Variants in PPP3CA observed in about 807,000 individuals in gnomAD.
The protein encoded by PPP3CA is CAM-PRP catalytic subunit.
In PPP3CA, 14 loss-of-function variants were observed where a neutral mutation model predicts 66.5. The ratio of observed to expected loss-of-function variants is 0.21; its 90% CI spans 0.14 to 0.33. The LOEUF is 0.33. Ranked by LOEUF, PPP3CA falls within the 10% of genes least tolerant of loss-of-function variation. The pLI, the probability that PPP3CA is intolerant of heterozygous loss-of-function variation, is 1.00. For missense variants in PPP3CA, 317 were observed against 639.5 expected (o/e 0.50, Z 5.44); for synonymous variants, 232 against 226.2 (o/e 1.03, Z -0.23).
intron 1 of PPP3CA, among the ~76,000 whole-genome samples, chr4:101,296,504 G>T (rs181083679): frequency 1.3e-5 from 2 of 152,174 alleles, no homozygotes; most frequent in Admixed American, 6.5e-5. Flanking sequence ...TCCATATTTT[G>T]ATAAACCAGT....
intron 2 of PPP3CA, among the ~76,000 whole-genome samples, chr4:101,128,145 G>A (rs1722306109): frequency 6.6e-6 from 1 of 152,154 alleles, no homozygotes; most frequent in South Asian, 2.1e-4. Context: ...TATGTGCCCT[G>A]AGAGCTAACA....
At chr4:101,093,113 C>T (rs1270702523) in intron 6 of PPP3CA, among the ~76,000 whole-genome samples, 1 of 152,212 alleles carries the variant, frequency 6.6e-6, no homozygotes, top group Non-Finnish European at 1.5e-5. Flanking sequence ...TCCTCTCCAG[C>T]ATCCATTTCC....
intron 10 of PPP3CA, among the ~76,000 whole-genome samples, chr4:101,054,120 G>GT (rs572027760): frequency 1.3e-5 from 2 of 151,310 alleles, no homozygotes; most frequent in Admixed American, 6.6e-5. Context: ...ATCTAAATGG[G>GT]TTTTTTTTCT....
intron 2 of PPP3CA, among the ~76,000 whole-genome samples, chr4:101,194,739 G>A (rs1315514867): frequency 2.0e-5 from 3 of 151,982 alleles, no homozygotes; most frequent in Non-Finnish European, 4.4e-5. Flanking sequence ...GCTAATTTTT[G>A]TATTTTTAGT....
intron 1 of PPP3CA, among the ~76,000 whole-genome samples, chr4:101,211,165 G>A (rs1725286665): frequency 6.6e-6 from 1 of 152,032 alleles, no homozygotes; most frequent in Non-Finnish European, 1.5e-5. Context: ...ATAAGCAGGG[G>A]AAGCCAGGGC....
At chr4:101,297,979 G>C (rs959150348) in intron 1 of PPP3CA, among the ~76,000 whole-genome samples, 5 of 152,068 alleles carry the variant, frequency 3.3e-5, no homozygotes, top group African/African-American at 1.2e-4. Context: ...CCAGGAATCA[G>C]GGAATCAGAT....
chr4:101,129,336 G>A (rs990077212), intron 2 of PPP3CA, among the ~76,000 whole-genome samples: 6 of 152,168 alleles, frequency 3.9e-5, no homozygotes, highest in African/African-American at 1.2e-4. Flanking sequence ...AGACTTAAAC[G>A]TTCCTGTCTG....
chr4:101,192,150 TTTTCAA>T (rs1724627419), intron 2 of PPP3CA, among the ~76,000 whole-genome samples: 1 of 152,158 alleles, frequency 6.6e-6, no homozygotes, highest in Non-Finnish European at 1.5e-5. Context: ...CATCTTACTG[TTTTCAA>T]GAAGACTTTA....
At chr4:101,112,206 T>C (rs558530812) in intron 2 of PPP3CA, among the ~76,000 whole-genome samples, 5 of 152,266 alleles carry the variant, frequency 3.3e-5, no homozygotes, top group African/African-American at 7.2e-5. Flanking sequence ...AAAATGTCTC[T>C]AGACAATGCA....
chr4:101,032,240 C>T (rs1316606635), intron 12 of PPP3CA, 27 bp downstream of exon 12: 1 of 1,522,108 alleles, frequency 6.6e-7, no homozygotes, highest in Non-Finnish European at 8.9e-7. Flanking sequence ...TGCCCCAGCA[C>T]ACAGTCATAC....
intron 2 of PPP3CA, among the ~76,000 whole-genome samples, chr4:101,190,550 A>T (rs1400734048): frequency 6.6e-6 from 1 of 152,170 alleles, no homozygotes; most frequent in Non-Finnish European, 1.5e-5. Flanking sequence ...ACAAATACTG[A>T]ATTACTATGG....
At chr4:101,261,764 A>C (rs1033367799) in intron 1 of PPP3CA, among the ~76,000 whole-genome samples, 5 of 152,046 alleles carry the variant, frequency 3.3e-5, no homozygotes, top group African/African-American at 1.2e-4. Context: ...CAAATCAACT[A>C]TAAAATCATC....
At chr4:101,260,247 G>A (rs1426778189) in intron 1 of PPP3CA, among the ~76,000 whole-genome samples, 1 of 152,116 alleles carries the variant, frequency 6.6e-6, no homozygotes, top group African/African-American at 2.4e-5. Flanking sequence ...GATTTTCAGA[G>A]ATGGAAAAGA....
intron 1 of PPP3CA, among the ~76,000 whole-genome samples, chr4:101,322,211 G>T (rs1475327217): frequency 1.3e-5 from 2 of 152,018 alleles, no homozygotes; most frequent in African/African-American, 4.8e-5. Flanking sequence ...TACCGCTCTG[G>T]TCTAAATGTT....
intron 1 of PPP3CA, among the ~76,000 whole-genome samples, chr4:101,267,214 T>A (rs1162219393): frequency 6.6e-6 from 1 of 152,238 alleles, no homozygotes; most frequent in African/African-American, 2.4e-5. Flanking sequence ...CCATGTACTG[T>A]GCAGAATATG....
chr4:101,202,377 G>C (rs1413207645), intron 1 of PPP3CA, among the ~76,000 whole-genome samples: 1 of 152,038 alleles, frequency 6.6e-6, no homozygotes, highest in African/African-American at 2.4e-5. Flanking sequence ...TAAGTACTAA[G>C]GAGTTTTCAC....
chr4:101,346,689 T>C (rs767701439), intron 1 of PPP3CA, 50 bp downstream of exon 1: 2 of 1,540,798 alleles, frequency 1.3e-6, no homozygotes, highest in South Asian at 1.2e-5. Context: ...CAAGCTGCCC[T>C]GGCGCCTGCG....
intron 1 of PPP3CA, among the ~76,000 whole-genome samples, chr4:101,279,737 C>A (rs866012083): frequency 6.6e-6 from 1 of 152,074 alleles, no homozygotes; most frequent in African/African-American, 2.4e-5. Context: ...TAGAACTAAG[C>A]TCCGTGAACA....
At chr4:101,109,359 C>T (rs1401845386) in intron 2 of PPP3CA, among the ~76,000 whole-genome samples, 2 of 143,866 alleles carry the variant, frequency 1.4e-5, no homozygotes, top group Non-Finnish European at 3.0e-5. Context: ...TAATGGCTAT[C>T]ATTGTGCACT....
Sources: allele counts gnomAD v4.1 joint callset (sites outside exome capture counted in the v4.1 genomes callset), GRCh38; gene constraint gnomAD v4.1.1; transcripts MANE v1.5; gene names NCBI Gene and HGNC (gene_info 2026-07-23, HGNC 2026-07-21).